Variants in SMYD3 observed in about 807,000 individuals in gnomAD.
SMYD3 encodes SET and MYND domain containing 3.
In SMYD3, 36 loss-of-function variants were observed where a neutral mutation model predicts 57.7. That is an observed-to-expected ratio of 0.62 (90% confidence interval 0.48 to 0.82). The LOEUF is 0.82. Among genes scored for constraint, SMYD3 ranks in the 40% least tolerant of loss-of-function variants. The pLI is 0.00. For missense variants in SMYD3, 515 were observed against 538.8 expected (o/e 0.96, Z 0.44); for synonymous variants, 211 against 195.0 (o/e 1.08, Z -0.68).
chr1:246,384,692 T>C (rs1023686467), intron 1 of SMYD3, among the ~76,000 whole-genome samples: 2 of 152,172 alleles, frequency 1.3e-5, no homozygotes, highest in East Asian at 1.9e-4. Flanking sequence ...CCACTGCACC[T>C]GGTCTAAAAA....
At chr1:246,229,150 AAAT>A (rs2063372964) in intron 5 of SMYD3, among the ~76,000 whole-genome samples, 2 of 152,206 alleles carry the variant, frequency 1.3e-5, no homozygotes, top group African/African-American at 2.4e-5. Context: ...TTCATTATAA[AAAT>A]AATGTTAGAA....
intron 5 of SMYD3, among the ~76,000 whole-genome samples, chr1:246,151,964 CCT>C (rs1039455696): frequency 2.0e-5 from 3 of 152,300 alleles, no homozygotes; most frequent in Non-Finnish European, 4.4e-5. Context: ...AACTCCAACC[CCT>C]GAGTCAGAGG....
intron 5 of SMYD3, among the ~76,000 whole-genome samples, chr1:246,227,871 T>C (rs2063351605): frequency 6.6e-6 from 1 of 152,122 alleles, no homozygotes; most frequent in African/African-American, 2.4e-5. Flanking sequence ...TAAAAATCTG[T>C]GATAAATATT....
intron 8 of SMYD3, among the ~76,000 whole-genome samples, chr1:245,873,191 G>A (rs1238773031): frequency 6.6e-6 from 1 of 152,192 alleles, no homozygotes; most frequent in Non-Finnish European, 1.5e-5. Flanking sequence ...ATACATTTAG[G>A]AAGGAGACAC....
At chr1:246,097,991 T>C (rs1226040945) in intron 5 of SMYD3, among the ~76,000 whole-genome samples, 1 of 152,216 alleles carries the variant, frequency 6.6e-6, no homozygotes, top group African/African-American at 2.4e-5. Context: ...AGTTTTGTCG[T>C]AGTGTTTTTG....
At chr1:246,256,280 A>G (rs1379779041) in intron 5 of SMYD3, among the ~76,000 whole-genome samples, 1 of 149,278 alleles carries the variant, frequency 6.7e-6, no homozygotes, top group Middle Eastern at 3.2e-3. Flanking sequence ...TGCCCACCAG[A>G]TAAGGGTGGA....
intron 5 of SMYD3, among the ~76,000 whole-genome samples, chr1:246,255,951 T>C (rs2063881330): frequency 6.6e-6 from 1 of 150,414 alleles, no homozygotes; most frequent in Non-Finnish European, 1.5e-5. Context: ...GATAGATAGA[T>C]AGATAGATAG....
chr1:245,769,570 G>GA (rs1452058176), intron 10 of SMYD3, among the ~76,000 whole-genome samples: 1 of 152,206 alleles, frequency 6.6e-6, no homozygotes, highest in African/African-American at 2.4e-5. Context: ...AGATGTAAGA[G>GA]ATGTAACAGC....
At chr1:246,502,783 T>C (rs907809382) in intron 1 of SMYD3, among the ~76,000 whole-genome samples, 2 of 152,174 alleles carry the variant, frequency 1.3e-5, no homozygotes, top group African/African-American at 4.8e-5. Flanking sequence ...CATCTCATCT[T>C]TTAGGATGTC....
At chr1:245,988,047 G>A (rs566442974) in intron 5 of SMYD3, among the ~76,000 whole-genome samples, 12 of 151,764 alleles carry the variant, frequency 7.9e-5, no homozygotes, top group African/African-American at 2.2e-4. Flanking sequence ...TAGAATAAAC[G>A]CAGAGGAATC....
intron 5 of SMYD3, among the ~76,000 whole-genome samples, chr1:246,248,642 T>TTTTTTTTTG (rs2063748469): frequency 8.5e-6 from 1 of 118,268 alleles, no homozygotes; most frequent in Non-Finnish European, 1.8e-5. Flanking sequence ...TTTCCTTTTT[T>TTTTTTTTTG]TTTTTTTTTT....
intron 8 of SMYD3, among the ~76,000 whole-genome samples, chr1:245,909,449 ATATATAAAACCAGCAT>A (rs1291693816): frequency 6.6e-6 from 1 of 152,120 alleles, no homozygotes; most frequent in Non-Finnish European, 1.5e-5. Flanking sequence ...TCCAAAGTAT[ATATATAAAACCAGCAT>A]TATGTAAAAC....
chr1:245,922,474 C>T (rs1365525786), intron 7 of SMYD3, among the ~76,000 whole-genome samples: 2 of 152,128 alleles, frequency 1.3e-5, no homozygotes, highest in Non-Finnish European at 2.9e-5. Flanking sequence ...TCTTTCTTGC[C>T]GAGTCCAAAC....
chr1:246,359,524 C>T (rs191352714), intron 1 of SMYD3, among the ~76,000 whole-genome samples: 49 of 152,226 alleles, frequency 3.2e-4, no homozygotes, highest in African/African-American at 1.0e-3. Context: ...ATTAAAACTA[C>T]AGACCAATAT....
chr1:246,343,900 C>T (rs1349199686), intron 2 of SMYD3, among the ~76,000 whole-genome samples: 3 of 152,104 alleles, frequency 2.0e-5, no homozygotes, highest in Admixed American at 6.5e-5. Flanking sequence ...CTTAATAGCT[C>T]TGTGGTGACC....
chr1:245,800,239 G>A (rs2047789174), intron 10 of SMYD3, among the ~76,000 whole-genome samples: 1 of 152,026 alleles, frequency 6.6e-6, no homozygotes, highest in African/African-American at 2.4e-5. Context: ...TCTCACAACT[G>A]GGCTCCCTTC....
At chr1:246,395,721 ACACCAGTCAGACAGGGAAGACGAACC>A (rs1465585686) in intron 1 of SMYD3, among the ~76,000 whole-genome samples, 560 of 30,814 alleles carry the variant, frequency 0.018, 2 homozygotes, top group Non-Finnish European at 0.036. Context: ...GAAGACGAAC[ACACCAGTCAGACAGGGAAGACGAACC>A]CACCACAGTC....
chr1:245,776,386 C>T (rs112468184), intron 10 of SMYD3, among the ~76,000 whole-genome samples: 11 of 152,044 alleles, frequency 7.2e-5, no homozygotes, highest in Non-Finnish European at 1.6e-4. Context: ...CATACCTTTT[C>T]CTTGTTTGGA....
chr1:245,779,848 G>C (rs151005487), intron 10 of SMYD3, among the ~76,000 whole-genome samples: 1 of 152,092 alleles, frequency 6.6e-6, no homozygotes, highest in African/African-American at 2.4e-5. Context: ...CAGAAGACTC[G>C]AGTGAGATGG....
Sources: gnomAD v4.1 joint callset for allele counts (sites outside exome capture counted in the v4.1 genomes callset) on GRCh38, gnomAD v4.1.1 for gene constraint, MANE v1.5 for transcripts, NCBI Gene and HGNC (gene_info 2026-07-23, HGNC 2026-07-21) for gene names.